PIGL: variants seen among roughly 807,000 people sequenced by gnomAD.
PIGL encodes the protein phosphatidylinositol glycan anchor biosynthesis class L, also known as N-acetylglucosaminyl-phosphatidylinositol de-N-acetylase.
In PIGL, 22 loss-of-function variants were observed where a neutral mutation model predicts 31.1. The observed-to-expected ratio is 0.71, with a 90% CI of 0.51 to 1.01. PIGL has a LOEUF of 1.01. Ranked by LOEUF, PIGL falls within the 50% of genes least tolerant of loss-of-function variation. PIGL has a pLI of 0.00. For missense variants in PIGL, 302 were observed against 315.9 expected, an observed-to-expected ratio of 0.96 and a Z score of 0.33; for synonymous variants, 131 against 117.4, an observed-to-expected ratio of 1.12 and a Z score of -0.75.
chr17:16,271,737 G>A (rs939205184), intron 2 of PIGL, among the ~76,000 whole-genome samples: 4 of 152,010 alleles, frequency 2.6e-5, no homozygotes, highest in African/African-American at 9.7e-5. Flanking sequence ...TCACCATATT[G>A]GCCAGGCTGG....
Position 16,304,005 on chromosome 17 carries a change from C to T in PIGL, c.426+4027C>T, listed in dbSNP as rs551636721. 3.9e-5 allele frequency among the ~76,000 whole-genome samples: 6 copies of T among 152,284 alleles called. No homozygotes were observed. In the South Asian group the frequency reaches 1.2e-3, roughly 32 times the overall value. On this transcript the variant is annotated intron_variant, in intron 3 of 6. Coordinates refer to ENST00000225609, the MANE Select transcript of PIGL (RefSeq NM_004278.4). Reference sequence around the variant, plus strand: ...CTGGGATTACAGGTGTAAGCCACTGCGCCCGGCCTACTAACAAATTTCTTG... The same window carrying T: ...CTGGGATTACAGGTGTAAGCCACTGTGCCCGGCCTACTAACAAATTTCTTG...
intron 1 of PIGL, among the ~76,000 whole-genome samples, chr17:16,228,114 T>C (rs1455050435): frequency 6.0e-5 from 9 of 150,268 alleles, no homozygotes; most frequent in Non-Finnish European, 1.3e-4. Context: ...TGCAATGGCA[T>C]GATCTCGGCT....
intron 1 of PIGL, among the ~76,000 whole-genome samples, chr17:16,226,181 A>G (rs901567723): frequency 2.0e-5 from 3 of 152,010 alleles, no homozygotes; most frequent in Non-Finnish European, 4.4e-5. Context: ...AAGAAAAACC[A>G]ATCACCTTTT....
intron 2 of PIGL, among the ~76,000 whole-genome samples, chr17:16,251,191 C>T (rs923744827): frequency 2.0e-5 from 3 of 152,020 alleles, no homozygotes; most frequent in Non-Finnish European, 2.9e-5. Context: ...TTTGGGAGGC[C>T]GAGGTGGGAG....
At chr17:16,230,945 G>A (rs1420252702) in intron 1 of PIGL, among the ~76,000 whole-genome samples, 1 of 151,464 alleles carries the variant, frequency 6.6e-6, no homozygotes, top group African/African-American at 2.4e-5. Flanking sequence ...GACAGATAGT[G>A]TTGGGACCAT....
At chr17:16,249,337 G>C (rs1480133675) in intron 2 of PIGL, among the ~76,000 whole-genome samples, 1 of 152,004 alleles carries the variant, frequency 6.6e-6, no homozygotes, top group South Asian at 2.1e-4. Context: ...AAATTAGCTG[G>C]GCATGGTGGC....
intron 4 of PIGL, among the ~76,000 whole-genome samples, chr17:16,316,230 G>A (rs1158229005): frequency 1.3e-5 from 2 of 152,114 alleles, no homozygotes; most frequent in East Asian, 1.9e-4. Flanking sequence ...TCCTCTTAAG[G>A]TGGCGAGCAC....
chr17:16,300,043 T>C (rs974402737), intron 3 of PIGL, 65 bp downstream of exon 3: 2 of 1,324,408 alleles, frequency 1.5e-6, no homozygotes, highest in African/African-American at 2.9e-5. Flanking sequence ...AGGTGGTTTC[T>C]GTAATTTTTT....
chr17:16,268,878 T>C (rs1040056635), intron 2 of PIGL, among the ~76,000 whole-genome samples: 11 of 152,096 alleles, frequency 7.2e-5, no homozygotes, highest in African/African-American at 2.4e-4. Flanking sequence ...TTCTCCTGCC[T>C]CAGCCTCCTG....
intron 2 of PIGL, among the ~76,000 whole-genome samples, chr17:16,253,182 A>C (rs1953680542): frequency 6.6e-6 from 1 of 151,018 alleles, no homozygotes; most frequent in African/African-American, 2.4e-5. Context: ...TGAACCCGGG[A>C]GGCGGAGGTT....
At chr17:16,228,362 T>G (rs1394491867) in intron 1 of PIGL, among the ~76,000 whole-genome samples, 1 of 151,916 alleles carries the variant, frequency 6.6e-6, no homozygotes, top group African/African-American at 2.4e-5. Context: ...CCAGCGATTT[T>G]ATTTTATTTT....
intron 2 of PIGL, among the ~76,000 whole-genome samples, chr17:16,239,508 G>T (rs922591481): frequency 6.6e-6 from 1 of 151,298 alleles, no homozygotes; most frequent in Non-Finnish European, 1.5e-5. Context: ...AAAAAAAAAA[G>T]AAAAAGAAAA....
chr17:16,220,221 G>A (rs957501833), intron 1 of PIGL, among the ~76,000 whole-genome samples: 5 of 151,774 alleles, frequency 3.3e-5, no homozygotes, highest in South Asian at 4.2e-4. Context: ...GGTGGTCCAC[G>A]CCTGTAGTCC....
intron 1 of PIGL, among the ~76,000 whole-genome samples, chr17:16,218,996 T>TA (rs1021349063): frequency 2.8e-4 from 43 of 151,902 alleles, no homozygotes; most frequent in Non-Finnish European, 2.1e-4. Flanking sequence ...TTTACATTCT[T>TA]ACTGGCACTA....
At chr17:16,317,247 T>C (rs1272920797) in intron 5 of PIGL, 1 of 1,003,566 alleles carries the variant, frequency 1.0e-6, no homozygotes, top group African/African-American at 1.7e-5. Context: ...CCTTTCTATG[T>C]GGGATGACTG....
chr17:16,217,313 G>A lies in PIGL; in HGVS notation c.87G>A (p.Lys29=). Residue 29 remains lysine, a synonymous_variant, in exon 1 of 7, where the codon AAG becomes AAA. Coordinates refer to ENST00000225609, the MANE Select transcript of PIGL (RefSeq NM_004278.4). The stretch of plus-strand genomic sequence containing the variant: ...TTTGGGACTCCTCAGAACGAATGAA[G>A]AGTCGGGAGCAGGGAGGACGGCTGG... ...LWVWDSSERM[K]SREQGGRLGA... 6.2e-7 allele frequency: 1 copy of A among 1,614,206 alleles called. No homozygotes were observed. Among genetic ancestry groups the A allele is most frequent in the Non-Finnish European group, 8.5e-7 (1 of 1,180,040 alleles).
intron 1 of PIGL, among the ~76,000 whole-genome samples, chr17:16,228,635 G>A (rs751620617): frequency 4.6e-5 from 7 of 151,500 alleles, no homozygotes; most frequent in East Asian, 2.0e-4. Context: ...TGATCCGCCC[G>A]CCTTGGCCTC....
chr17:16,220,289 A>G (rs929195093), intron 1 of PIGL, among the ~76,000 whole-genome samples: 2 of 151,974 alleles, frequency 1.3e-5, no homozygotes, highest in African/African-American at 4.8e-5. Flanking sequence ...CGGAGGTTAC[A>G]GTGAGCTGAG....
At position 16,301,110 on chromosome 17, in the gene PIGL, C is replaced by T. The variant is rs115051470; in HGVS notation, c.426+1132C>T. On this transcript the variant is annotated intron_variant, in intron 3 of 6. Transcript: ENST00000225609. The stretch of plus-strand genomic sequence containing the variant: ...TTAAGTTCTCATGAAAACATGAATC[C>T]TGCTGGCAGAGAAACATATTAGGCT... Among the ~76,000 whole-genome samples, 679 of 152,034 alleles carry T rather than the reference C, an allele frequency of 4.5e-3. 8 individuals carry two copies. The highest frequency in any genetic ancestry group is 0.015 in the African/African-American group (635 of 41,482).
Sources: gnomAD v4.1 joint callset for allele counts (sites outside exome capture counted in the v4.1 genomes callset) on GRCh38, gnomAD v4.1.1 for gene constraint, MANE v1.5 for transcripts, NCBI Gene and HGNC (gene_info 2026-07-23, HGNC 2026-07-21) for gene names.